ARHGEF17: variants seen among roughly 807,000 people sequenced by gnomAD.
The protein encoded by ARHGEF17 is 164 kDa Rho-specific guanine-nucleotide exchange factor.
ARHGEF17 carries 80 observed loss-of-function variants against 174.0 expected under a neutral mutation model. That is an observed-to-expected ratio of 0.46 (90% CI 0.38 to 0.55). The LOEUF is 0.55. Ranked by LOEUF, ARHGEF17 falls within the 20% of genes least tolerant of loss-of-function variation. ARHGEF17 has a pLI of 0.00. For synonymous variants in ARHGEF17, 1,311 were observed against 1,189.1 expected, an observed-to-expected ratio of 1.10 and a Z score of -2.11; for missense variants, 2,886 against 2,839.7, an observed-to-expected ratio of 1.02 and a Z score of -0.37.
chr11:73,350,298 C>G (rs1458369156), intron 2 of ARHGEF17, among the ~76,000 whole-genome samples: 2 of 152,202 alleles, frequency 1.3e-5, no homozygotes, highest in African/African-American at 4.8e-5. Context: ...AGGCACTGTT[C>G]TGAATGCTTT....
At chr11:73,361,401 G>A (rs1865735695) in intron 12 of ARHGEF17, among the ~76,000 whole-genome samples, 1 of 152,164 alleles carries the variant, frequency 6.6e-6, no homozygotes, top group Non-Finnish European at 1.5e-5. Flanking sequence ...ATGAATGATG[G>A]GAAGTAGCTT....
intron 1 of ARHGEF17, among the ~76,000 whole-genome samples, chr11:73,340,120 G>A (rs1865347189): frequency 6.6e-6 from 1 of 152,166 alleles, no homozygotes; most frequent in African/African-American, 2.4e-5. Context: ...TCTGATGCCT[G>A]TGCTGTTATG....
rs185366257 is a variant in ARHGEF17 at position 73,329,453 on chromosome 11, G to A, written c.3193-17430G>A. Among the ~76,000 whole-genome samples the A allele has an allele frequency of 4.2e-3, 590 of 141,066 alleles. 6 individuals are homozygous for A. Among genetic ancestry groups the A allele is most frequent in the Middle Eastern group, 0.03 (8 of 266 alleles). 92.5% of individuals were successfully genotyped at this position (141,066 alleles called of 152,430 possible). ...CTCATTCTGTCACCCACGCTGGAGT[G>A]CAGTGGTGCGATCTCAGCTCACTGC... On this transcript the variant is annotated intron_variant, in intron 1 of 20. Transcript: ENST00000263674.
At chr11:73,346,644 G>C (rs998192581) in intron 1 of ARHGEF17, among the ~76,000 whole-genome samples, 1 of 152,212 alleles carries the variant, frequency 6.6e-6, no homozygotes, top group Non-Finnish European at 1.5e-5. Flanking sequence ...GTGCCTAACT[G>C]TGCAAGGCCA....
At position 73,310,977 on chromosome 11, in the gene ARHGEF17, C is replaced by G. The variant is rs747378507; in HGVS notation, c.2339C>G (p.Thr780Ser). ...ACCTCAGCCATGGATGAGGGCTTGA[C>G]CAGTGGTCACAGTGACTGGTCTGTG... The part of the protein sequence containing the change: ...PATSAMDEGL[T>S]SGHSDWSVGS... Residue 780 changes from threonine to serine, a missense_variant, in exon 1 of 21, where the codon ACC becomes AGC. Coordinates refer to ENST00000263674, the MANE Select transcript of ARHGEF17 (RefSeq NM_014786.4). 1 of 1,614,190 alleles carries G rather than the reference C, an allele frequency of 6.2e-7. No homozygotes were observed. The highest frequency in any genetic ancestry group is 1.1e-5 in the South Asian group (1 of 91,088).
At chr11:73,312,200 T>C (rs1391638484) in intron 1 of ARHGEF17, among the ~76,000 whole-genome samples, 1 of 152,220 alleles carries the variant, frequency 6.6e-6, no homozygotes, top group African/African-American at 2.4e-5. Flanking sequence ...CAGCGCAGGC[T>C]CAGTCCTTTC....
At chr11:73,329,343 A>G (rs1287171689) in intron 1 of ARHGEF17, among the ~76,000 whole-genome samples, 8 of 24,702 alleles carry the variant, frequency 3.2e-4, no homozygotes, top group African/African-American at 8.7e-4. Flanking sequence ...ATATATATAT[A>G]TATATATATA....
At chr11:73,328,677 G>A (rs922819295) in intron 1 of ARHGEF17, among the ~76,000 whole-genome samples, 2 of 152,238 alleles carry the variant, frequency 1.3e-5, no homozygotes, top group Admixed American at 6.5e-5. Context: ...AAGAGGGAAA[G>A]CAAAGACAAA....
chr11:73,356,593 C>A, intron 6 of ARHGEF17, 116 bp from the exon 7 acceptor site: 1 of 1,384,106 alleles, frequency 7.2e-7, no homozygotes, highest in Non-Finnish European at 1.0e-6. Flanking sequence ...GGGTGGGAAG[C>A]ATGCTGCTTC....
In ARHGEF17 at chr11:73,327,813, G is replaced by A. The variant is rs573034055; in HGVS notation, c.3192+15983G>A. Among the ~76,000 whole-genome samples the A allele has an allele frequency of 5.9e-5, 9 of 152,054 alleles. No individual in the cohort carries two copies. In the East Asian group the frequency reaches 1.3e-3, roughly 23 times the overall value. ...AGTACTTGATCTTACATTCAGCTGG[G>A]TTAGTGTAATGGTTAGAACAGACTG... On this transcript the variant is annotated intron_variant, in intron 1 of 20. Coordinates refer to ENST00000263674, the MANE Select transcript of ARHGEF17 (RefSeq NM_014786.4).
rs1180265307 is a variant in ARHGEF17 at position 73,365,986 on chromosome 11, A to G, written c.5995+39A>G. 12 of 1,578,884 alleles carry G rather than the reference A, an allele frequency of 7.6e-6. No individual in the cohort carries two copies. In the South Asian group the frequency reaches 1.3e-4, roughly 18 times the overall value. On this transcript the variant is annotated intron_variant, in intron 20 of 20. Transcript: ENST00000263674. This position sits in a 1 kb window ranked among gnomAD's most constrained non-coding sequence, Gnocchi z 4.9. ...TCATACCCCAAGCTAGGGATCATGG[A>G]CATTTGGTTTAGGACTCCCCACTAT...
intron 2 of ARHGEF17, 156 bp downstream of exon 2, chr11:73,347,116 C>A: frequency 1.3e-6 from 1 of 778,126 alleles, no homozygotes. Context: ...CCCAGCATGG[C>A]CATTCCAGAG....
At chr11:73,317,673 A>T (rs1347064561) in intron 1 of ARHGEF17, among the ~76,000 whole-genome samples, 1 of 152,164 alleles carries the variant, frequency 6.6e-6, no homozygotes, top group Non-Finnish European at 1.5e-5. Flanking sequence ...ATTGGAGCTG[A>T]TGTCTCCCCA....
At chr11:73,356,128 C>T (rs1387995050) in intron 5 of ARHGEF17, 47 bp from the exon 6 acceptor site, 1 of 1,606,446 alleles carries the variant, frequency 6.2e-7, no homozygotes, top group East Asian at 2.2e-5. Flanking sequence ...AGTCTGGGGC[C>T]CCAGGGGTAG....
intron 3 of ARHGEF17, chr11:73,353,358 G>T (rs1304023381): frequency 9.2e-6 from 3 of 324,678 alleles, no homozygotes; most frequent in Non-Finnish European, 1.8e-5. Flanking sequence ...GATGGATGCT[G>T]GTACTGACCT....
At chr11:73,366,762 G>A (rs945241999) in intron 20 of ARHGEF17, among the ~76,000 whole-genome samples, 5 of 151,676 alleles carry the variant, frequency 3.3e-5, no homozygotes, top group African/African-American at 1.2e-4. Context: ...AAATATGGCC[G>A]GGCGTGGTGG....
At chr11:73,347,883 T>TG (rs1253188415) in intron 2 of ARHGEF17, among the ~76,000 whole-genome samples, 1 of 152,128 alleles carries the variant, frequency 6.6e-6, no homozygotes, top group Admixed American at 6.5e-5. Context: ...GGAAGTGGAC[T>TG]GGTCAGGCCA....
In ARHGEF17 at chr11:73,308,913, C is replaced by T. The variant is rs757602578; in HGVS notation, c.275C>T (p.Pro92Leu). The change falls in exon 1 of 21, where the codon CCG (proline) becomes CTG (leucine). Residue 92 changes from proline to leucine, a missense_variant. Transcript: ENST00000263674. Reference sequence around the variant, plus strand: ...CAGCTCTCCCGGCGCTTCGACGCGCCGCGTCTGGACGACGGCTCCGCTGGG... The same window carrying T: ...CAGCTCTCCCGGCGCTTCGACGCGCTGCGTCTGGACGACGGCTCCGCTGGG... ...VRQLSRRFDA[P>L]RLDDGSAGTR... is the part of the protein sequence containing the mutation. The T allele has an allele frequency of 4.4e-6, 6 of 1,363,516 alleles. No homozygotes were observed. The African/African-American group carries it at 6.1e-5, about 14-fold the overall frequency. 84.5% of individuals were successfully genotyped at this position (1,363,516 alleles called of 1,614,324 possible).
rs758916744 is a variant in ARHGEF17, at chr11:73,311,707, G to A, written c.3069G>A (p.Val1023=). The A allele has an allele frequency of 3.2e-5, 52 of 1,613,218 alleles. No individual in the cohort carries two copies. The Middle Eastern group carries it at 4.9e-4, about 15-fold the overall frequency. ...NLHSGEVPAP[V]PVDMPCLPLA... ...ACTCCGGTGAGGTCCCTGCCCCAGT[G>A]CCAGTGGACATGCCCTGCTTGCCTC... Residue 1023 remains valine (V), a synonymous_variant, in exon 1 of 21, where the codon GTG becomes GTA. Transcript: ENST00000263674.
Sources: gnomAD v4.1 joint callset for allele counts (sites outside exome capture counted in the v4.1 genomes callset) on GRCh38, gnomAD v4.1.1 for gene constraint, Gnocchi (gnomAD v3.1) non-coding constraint, MANE v1.5 for transcripts, NCBI Gene and HGNC (gene_info 2026-07-23, HGNC 2026-07-21) for gene names.